The following NEGR1 variants were observed in gnomAD, a reference collection of about 807,000 sequenced individuals.
NEGR1 encodes the protein neuronal growth regulator 1.
In NEGR1, 10 loss-of-function variants were observed where a neutral mutation model predicts 40.9. That is an observed-to-expected ratio of 0.24 (90% CI 0.15 to 0.42). The LOEUF (loss-of-function observed/expected upper bound fraction) is 0.42. NEGR1 is among the 10% of genes least tolerant of loss of function. NEGR1 has a pLI of 1.00. For synonymous variants in NEGR1, 185 were observed against 166.8 expected (o/e 1.11, Z -0.84); for missense variants, 352 against 438.9 (o/e 0.80, Z 1.77).
At chr1:71,814,827 A>G (rs1160977812) in intron 2 of NEGR1, among the ~76,000 whole-genome samples, 5 of 151,640 alleles carry the variant, frequency 3.3e-5, no homozygotes, top group African/African-American at 7.3e-5. Flanking sequence ...TCTAGCTAGA[A>G]GTCTATTTTA....
chr1:72,080,961 T>C (rs1465962045), intron 1 of NEGR1, among the ~76,000 whole-genome samples: 1 of 151,998 alleles, frequency 6.6e-6, no homozygotes, highest in Non-Finnish European at 1.5e-5. Context: ...TGCCTCTGGT[T>C]GAGAGAGGGT....
At chr1:71,443,895 C>T (rs891056707) in intron 6 of NEGR1, among the ~76,000 whole-genome samples, 11 of 152,182 alleles carry the variant, frequency 7.2e-5, no homozygotes, top group African/African-American at 2.4e-4. Flanking sequence ...CTTTCAACTG[C>T]ATCAGAGGAT....
chr1:71,779,641 C>T (rs1230456062), intron 2 of NEGR1, among the ~76,000 whole-genome samples: 8 of 152,018 alleles, frequency 5.3e-5, no homozygotes, highest in African/African-American at 1.9e-4. Flanking sequence ...AATCTCCGCT[C>T]ACTGCAACTC....
chr1:72,120,465 A>G (rs911024568), intron 1 of NEGR1, among the ~76,000 whole-genome samples: 5 of 152,022 alleles, frequency 3.3e-5, no homozygotes, highest in African/African-American at 1.2e-4. Flanking sequence ...TATCCATCCT[A>G]TTAATGTTTT....
At chr1:72,057,132 T>C (rs779615498) in intron 1 of NEGR1, among the ~76,000 whole-genome samples, 36 of 151,674 alleles carry the variant, frequency 2.4e-4, no homozygotes, top group Non-Finnish European at 1.9e-4. Flanking sequence ...CCTGGCATTA[T>C]TGATGGTTCA....
intron 6 of NEGR1, among the ~76,000 whole-genome samples, chr1:71,485,441 T>C (rs1265839780): frequency 6.6e-6 from 1 of 151,576 alleles, no homozygotes; most frequent in Non-Finnish European, 1.5e-5. Flanking sequence ...GACACATTAT[T>C]ATCTCCCAGA....
chr1:71,451,317 C>T (rs373444740), intron 6 of NEGR1, among the ~76,000 whole-genome samples: 3 of 148,906 alleles, frequency 2.0e-5, no homozygotes, highest in East Asian at 4.0e-4. Flanking sequence ...CTGAGAGGCA[C>T]ACAGTAGTGC....
chr1:71,887,932 T>C (rs769101198), intron 2 of NEGR1, among the ~76,000 whole-genome samples: 95 of 151,408 alleles, frequency 6.3e-4, no homozygotes, highest in Admixed American at 2.7e-3. Flanking sequence ...CTTTTATTCC[T>C]ACAATCCTGC....
intron 2 of NEGR1, among the ~76,000 whole-genome samples, chr1:71,804,121 C>T (rs969086541): frequency 2.0e-5 from 3 of 151,932 alleles, no homozygotes; most frequent in Non-Finnish European, 2.9e-5. Flanking sequence ...GTATACAACC[C>T]TACCATTTCA....
At chr1:71,906,002 G>T (rs1231905188) in intron 2 of NEGR1, among the ~76,000 whole-genome samples, 1 of 152,008 alleles carries the variant, frequency 6.6e-6, no homozygotes, top group South Asian at 2.1e-4. Flanking sequence ...TCTAATTAGG[G>T]ACTTTCCACC....
At chr1:71,675,126 T>TATATATATATATACACACAC (rs145354058) in intron 4 of NEGR1, among the ~76,000 whole-genome samples, 2 of 77,794 alleles carry the variant, frequency 2.6e-5, no homozygotes, top group African/African-American at 8.2e-5. Flanking sequence ...TATATATATA[T>TATATATATATATACACACAC]ACACACACAC....
At chr1:71,822,782 A>G (rs1658478538) in intron 2 of NEGR1, among the ~76,000 whole-genome samples, 1 of 152,014 alleles carries the variant, frequency 6.6e-6, no homozygotes, top group South Asian at 2.1e-4. Flanking sequence ...GGCCACTAGC[A>G]TGGAATCCCA....
chr1:71,565,180 C>A (rs898747629), intron 6 of NEGR1, among the ~76,000 whole-genome samples: 4 of 152,098 alleles, frequency 2.6e-5, no homozygotes, highest in Non-Finnish European at 5.9e-5. Flanking sequence ...CAGCTTCAAG[C>A]CTTTCTATGA....
chr1:71,504,425 CAG>C (rs1647019194), intron 6 of NEGR1, among the ~76,000 whole-genome samples: 6 of 151,872 alleles, frequency 4.0e-5, no homozygotes, highest in Admixed American at 3.9e-4. Flanking sequence ...GATTTCAACA[CAG>C]AGAAAGAAGA....
intron 6 of NEGR1, among the ~76,000 whole-genome samples, chr1:71,420,818 T>C (rs748191449): frequency 5.9e-5 from 9 of 152,090 alleles, no homozygotes; most frequent in Non-Finnish European, 1.3e-4. Flanking sequence ...TGCTTATTAA[T>C]ATTAAAGTAG....
chr1:71,876,815 C>A (rs1660445357), intron 2 of NEGR1, among the ~76,000 whole-genome samples: 1 of 151,960 alleles, frequency 6.6e-6, no homozygotes, highest in Non-Finnish European at 1.5e-5. Flanking sequence ...AATATGTTCA[C>A]TGATGGATAA....
chr1:72,141,635 T>C (rs1328924111), intron 1 of NEGR1, among the ~76,000 whole-genome samples: 1 of 152,032 alleles, frequency 6.6e-6, no homozygotes, highest in Non-Finnish European at 1.5e-5. Context: ...ATTAAGGCAA[T>C]GTATTTCTTT....
chr1:71,960,725 C>T (rs901242238), intron 1 of NEGR1, among the ~76,000 whole-genome samples: 2 of 151,996 alleles, frequency 1.3e-5, no homozygotes, highest in African/African-American at 2.4e-5. Flanking sequence ...ACATTTGTTC[C>T]GTCATTAAGG....
intron 2 of NEGR1, among the ~76,000 whole-genome samples, chr1:71,905,805 C>G (rs1570485581): frequency 7.2e-6 from 1 of 139,752 alleles, no homozygotes; most frequent in East Asian, 2.1e-4. Context: ...GTCAGTAGGA[C>G]AGGAACATTA....
Sources: allele counts gnomAD v4.1 joint callset (sites outside exome capture counted in the v4.1 genomes callset), GRCh38; gene constraint gnomAD v4.1.1; transcripts MANE v1.5; gene names NCBI Gene and HGNC (gene_info 2026-07-23, HGNC 2026-07-21).